ENPP3: variants seen among roughly 807,000 people sequenced by gnomAD.
ENPP3 encodes the protein ectonucleotide pyrophosphatase/phosphodiesterase family member 3.
ENPP3 carries 104 observed loss-of-function variants against 117.8 expected under a neutral mutation model. The ratio of observed to expected loss-of-function variants is 0.88; its 90% CI spans 0.75 to 1.04. The LOEUF is 1.04. Ranked by LOEUF, ENPP3 falls within the 50% of genes least tolerant of loss-of-function variation. The pLI, the probability that ENPP3 is intolerant of heterozygous loss-of-function variation, is 0.00. For missense variants in ENPP3, 1,026 were observed against 1,051.9 expected (o/e 0.98, Z 0.34); for synonymous variants, 380 against 349.9 (o/e 1.09, Z -0.96).
rs1163248892 is a variant in ENPP3 at position 131,677,107 on chromosome 6, G to A, written c.938+306G>A. 2.0e-5 allele frequency among the ~76,000 whole-genome samples: 3 copies of A among 152,122 alleles called. No individual in the cohort carries two copies. The East Asian group carries it at 5.8e-4, about 30-fold the overall frequency. ...AAGAATTAGCTGGGCATGGTGGTAC[G>A]CAGTTGTAGTCCTAACTACTTGGGA... is the stretch of plus-strand genomic sequence containing the variant. On this transcript the variant is annotated intron_variant, in intron 10 of 24. Coordinates refer to ENST00000357639, the MANE Select transcript of ENPP3 (RefSeq NM_005021.5).
chr6:131,642,015 G>A (rs1469323389), intron 2 of ENPP3, among the ~76,000 whole-genome samples: 1 of 151,534 alleles, frequency 6.6e-6, no homozygotes, highest in Non-Finnish European at 1.5e-5. Flanking sequence ...GGCTGGTCTC[G>A]AGCTCCCGGG....
At chr6:131,683,327 A>G (rs573975864) in intron 12 of ENPP3, among the ~76,000 whole-genome samples, 165 bp downstream of exon 12, 3 of 152,336 alleles carry the variant, frequency 2.0e-5, no homozygotes, top group South Asian at 2.1e-4. Flanking sequence ...AGAGGACTAC[A>G]TTAAATTTTC....
rs578123345 is a variant in ENPP3, at chr6:131,656,632, T to C, written c.465-1691T>C. ...AATACAAAAAATTAGCCGGGTGTGG[T>C]GGCAGGTGCCTGTAGTCCCAGCTAC... is the stretch of plus-strand genomic sequence containing the variant. On this transcript the variant is annotated intron_variant, in intron 5 of 24. Coordinates refer to ENST00000357639, the MANE Select transcript of ENPP3 (RefSeq NM_005021.5). 7.2e-5 allele frequency among the ~76,000 whole-genome samples: 11 copies of C among 152,208 alleles called. No homozygotes were observed. The South Asian group carries it at 2.1e-3, about 29-fold the overall frequency.
chr6:131,640,366 C>CA (rs1170252712), intron 1 of ENPP3, among the ~76,000 whole-genome samples: 1 of 152,170 alleles, frequency 6.6e-6, no homozygotes, highest in Non-Finnish European at 1.5e-5. Flanking sequence ...TTTTTCCTCT[C>CA]CATCCTCTCC....
intron 6 of ENPP3, among the ~76,000 whole-genome samples, chr6:131,664,663 A>G (rs1778578749): frequency 6.6e-6 from 1 of 152,164 alleles, no homozygotes. Context: ...GTATTATATC[A>G]TATTTTCACT....
intron 16 of ENPP3, among the ~76,000 whole-genome samples, chr6:131,719,354 C>T (rs1779965073): frequency 6.9e-6 from 1 of 144,344 alleles, no homozygotes; most frequent in Non-Finnish European, 1.5e-5. Context: ...AGCTTTGCAA[C>T]CTGGTTATCT....
At position 131,684,930 on chromosome 6, in the gene ENPP3, G is replaced by GCATGC. The variant is rs550664863; in HGVS notation, c.1121-431_1121-427dup. On this transcript the variant is annotated intron_variant, in intron 12 of 24. Coordinates refer to ENST00000357639, the MANE Select transcript of ENPP3 (RefSeq NM_005021.5). ...CTCTCGAGTAAATGGGACTATAGGG[G>GCATGC]CATGCCACCATGCCTGGCTAACGTT... 7.6e-3 allele frequency among the ~76,000 whole-genome samples: 1,161 copies of GCATGC among 152,018 alleles called. 14 individuals are homozygous for GCATGC. Among genetic ancestry groups the GCATGC allele is most frequent in the African/African-American group, 0.027 (1,107 of 41,424 alleles).
Position 131,685,909 on chromosome 6 carries a change from TA to T in ENPP3, c.1284+4del. 2.2e-6 allele frequency: 2 copies of T among 908,120 alleles called. No homozygotes were observed. Among genetic ancestry groups the T allele is most frequent in the Non-Finnish European group, 1.8e-6 (1 of 567,914 alleles). The allele number at this position is 908,120 out of a possible 1,614,324, so 56.3% of individuals were successfully genotyped here. ...GAGGAAATTGTTAGAAACCTCAGTG[TA>T]AGTATACAATACTCTTAATACATAT... On this transcript the variant is annotated splice_donor_region_variant and intron_variant, in intron 14 of 24. Coordinates refer to ENST00000357639, the MANE Select transcript of ENPP3 (RefSeq NM_005021.5).
At chr6:131,668,031 C>T (rs1778654024) in intron 6 of ENPP3, among the ~76,000 whole-genome samples, 1 of 151,996 alleles carries the variant, frequency 6.6e-6, no homozygotes, top group African/African-American at 2.4e-5. Context: ...CAAGGTTATT[C>T]TACTAAGTTA....
At chr6:131,719,382 A>AACACACACACACACACAC (rs3032879) in intron 16 of ENPP3, among the ~76,000 whole-genome samples, 1 of 133,126 alleles carries the variant, frequency 7.5e-6, no homozygotes, top group Non-Finnish European at 1.6e-5. Context: ...TTCCATTTGT[A>AACACACACACACACACAC]ACACACACAC....
rs1484351026 is a variant in ENPP3, at chr6:131,654,129, TATTA to T, written c.464+1239_464+1242del. On this transcript the variant is annotated intron_variant, in intron 5 of 24. Transcript: ENST00000357639. ...TAAGTTTTATTATTATTATTATTAT[TATTA>T]TTATTATTATTATTACGAGATAGGG... Among the ~76,000 whole-genome samples the T allele has an allele frequency of 2.7e-5, 4 of 149,154 alleles. No homozygotes were observed. In the South Asian group the frequency reaches 6.3e-4, roughly 24 times the overall value.
intron 3 of ENPP3, among the ~76,000 whole-genome samples, chr6:131,652,291 T>C (rs957228743): frequency 3.9e-5 from 6 of 152,228 alleles, no homozygotes; most frequent in Middle Eastern, 3.2e-3. Context: ...TGTTCAGATC[T>C]TCTCCAAGCT....
At chr6:131,712,895 T>C (rs1395405391) in intron 15 of ENPP3, among the ~76,000 whole-genome samples, 2 of 150,596 alleles carry the variant, frequency 1.3e-5, no homozygotes, top group African/African-American at 5.0e-5. Flanking sequence ...CTGAAAGATC[T>C]CATACCTGAC....
rs374796647 is a variant in ENPP3 at position 131,661,354 on chromosome 6, C to T, written c.562+2934C>T. Among the ~76,000 whole-genome samples, 40 of 152,154 alleles carry T rather than the reference C, an allele frequency of 2.6e-4. No individual in the cohort carries two copies. In the South Asian group the frequency reaches 7.7e-3, roughly 29 times the overall value. ...TTTCTACCAACAGTGTACAAGAGTT[C>T]CAATTTCTGCATATCTTCATCAACA... On this transcript the variant is annotated intron_variant, in intron 6 of 24. Coordinates refer to ENST00000357639, the MANE Select transcript of ENPP3 (RefSeq NM_005021.5).
At chr6:131,667,970 T>G (rs1778652973) in intron 6 of ENPP3, among the ~76,000 whole-genome samples, 1 of 152,152 alleles carries the variant, frequency 6.6e-6, no homozygotes, top group African/African-American at 2.4e-5. Context: ...ATTCTTTATT[T>G]TTTTTGAGTG....
At chr6:131,688,251 G>A (rs1779198917) in intron 14 of ENPP3, among the ~76,000 whole-genome samples, 1 of 152,124 alleles carries the variant, frequency 6.6e-6, no homozygotes, top group Non-Finnish European at 1.5e-5. Flanking sequence ...CAAACTGGCT[G>A]TTTCCCGTCC....
chr6:131,697,085 A>G (rs535196266), intron 15 of ENPP3, among the ~76,000 whole-genome samples: 1 of 152,076 alleles, frequency 6.6e-6, no homozygotes, highest in Admixed American at 6.5e-5. Context: ...TTTTAAAGCC[A>G]GCAGTAGCTC....
chr6:131,674,709 A>G (rs1778827317), intron 8 of ENPP3, among the ~76,000 whole-genome samples: 2 of 151,766 alleles, frequency 1.3e-5, no homozygotes, highest in Non-Finnish European at 2.9e-5. Flanking sequence ...AGCTGGGACT[A>G]CAGGCACGCA....
intron 11 of ENPP3, among the ~76,000 whole-genome samples, chr6:131,682,469 G>A (rs9483317): frequency 0.052 from 7,931 of 152,066 alleles, 397 homozygotes; most frequent in African/African-American, 0.13. Flanking sequence ...ACTCTAGCCT[G>A]GGCAACAGAG....
Sources: allele counts gnomAD v4.1 joint callset (sites outside exome capture counted in the v4.1 genomes callset), GRCh38; gene constraint gnomAD v4.1.1; transcripts MANE v1.5; gene names NCBI Gene and HGNC (gene_info 2026-07-23, HGNC 2026-07-21).